Variants in ZFHX3 observed in about 807,000 individuals in gnomAD.
ZFHX3 encodes the protein zinc finger homeobox 3.
A neutral mutation model predicts 279.1 loss-of-function variants in ZFHX3; 42 were observed. That is an observed-to-expected ratio of 0.15 (90% CI 0.12 to 0.19). The LOEUF (loss-of-function observed/expected upper bound fraction) is 0.19. Ranked by LOEUF, ZFHX3 falls within the 10% of genes least tolerant of loss-of-function variation. ZFHX3 has a pLI of 1.00. For missense variants in ZFHX3, 4,981 were observed against 4,754.0 expected, an observed-to-expected ratio of 1.05 and a Z score of -1.40; for synonymous variants, 2,293 against 1,957.8, an observed-to-expected ratio of 1.17 and a Z score of -4.52.
At chr16:73,569,776 G>A (rs529601869) in intron 2 of ZFHX3, among the ~76,000 whole-genome samples, 17 of 152,186 alleles carry the variant, frequency 1.1e-4, no homozygotes, top group Non-Finnish European at 2.1e-4. Flanking sequence ...CCTGGGCAGG[G>A]CCGGAAGAGC....
intron 2 of ZFHX3, among the ~76,000 whole-genome samples, chr16:73,470,875 T>C: frequency 6.6e-6 from 1 of 152,192 alleles, no homozygotes; most frequent in South Asian, 2.1e-4. Context: ...ATATAAACTC[T>C]CTTACCCCTT....
intron 2 of ZFHX3, among the ~76,000 whole-genome samples, chr16:73,578,976 C>T (rs751377879): frequency 4.6e-5 from 7 of 152,112 alleles, no homozygotes; most frequent in Non-Finnish European, 8.8e-5. Context: ...AAGGGAGAGC[C>T]GGACATGCCT....
intron 4 of ZFHX3, among the ~76,000 whole-genome samples, chr16:72,878,076 G>C (rs2038361885): frequency 6.6e-6 from 1 of 152,204 alleles, no homozygotes; most frequent in South Asian, 2.1e-4. Flanking sequence ...TGTGCTACTT[G>C]GAAGACTGAG....
Position 72,798,689 on chromosome 16 carries a change from G to A in ZFHX3, c.3993C>T (p.Asn1331=), listed in dbSNP as rs2035997828. Residue 1331 remains asparagine (N), a synonymous_variant, in exon 9 of 10, where the codon AAC becomes AAT. Transcript: ENST00000268489. ...GCTCTGTGCTTGCGGATGGCAAGAT[G>A]TTCTTTCCCAGATCCTCTGAGGTTT... ...QPETSEDLGK[N]ILPSASTEQS... is the part of the protein sequence containing the mutation. 2 of 1,559,718 alleles carry A rather than the reference G, an allele frequency of 1.3e-6. No homozygotes were observed. The highest frequency in any genetic ancestry group is 1.4e-5 in the African/African-American group (1 of 71,968).
chr16:73,428,637 C>T (rs140345908), intron 3 of ZFHX3, among the ~76,000 whole-genome samples: 4 of 152,106 alleles, frequency 2.6e-5, no homozygotes, highest in Admixed American at 2.6e-4. Flanking sequence ...ATAACTCCAT[C>T]TGTTGCCTTC....
At chr16:73,392,793 G>A (rs529361249) in intron 3 of ZFHX3, among the ~76,000 whole-genome samples, 87 of 152,060 alleles carry the variant, frequency 5.7e-4, no homozygotes, top group African/African-American at 2.0e-3. Flanking sequence ...ATGAAACGTC[G>A]AATAAGGCAG....
intron 3 of ZFHX3, chr16:73,400,075 A>G (rs1296302173): frequency 9.6e-6 from 1 of 104,494 alleles, no homozygotes; most frequent in African/African-American, 3.8e-5. Flanking sequence ...TCAAATCTGT[A>G]AAAAAAAAAA....
At chr16:73,217,753 T>C (rs965755671) in intron 5 of ZFHX3, among the ~76,000 whole-genome samples, 1 of 152,162 alleles carries the variant, frequency 6.6e-6, no homozygotes, top group Non-Finnish European at 1.5e-5. Flanking sequence ...ACAATAGGGC[T>C]ATTTATTTTT....
chr16:73,132,950 C>A (rs12447298), intron 6 of ZFHX3, among the ~76,000 whole-genome samples: 28,156 of 152,252 alleles, frequency 0.18, 3,458 homozygotes, highest in Middle Eastern at 0.3. Context: ...CATGAAGATG[C>A]ATGGCACAGC....
intron 6 of ZFHX3, among the ~76,000 whole-genome samples, chr16:73,142,460 G>T (rs1016524773): frequency 6.6e-6 from 1 of 152,176 alleles, no homozygotes; most frequent in Non-Finnish European, 1.5e-5. Flanking sequence ...GAGTACAGAG[G>T]GGGGATTATA....
intron 8 of ZFHX3, among the ~76,000 whole-genome samples, chr16:73,070,607 T>G (rs1193280318): frequency 6.6e-6 from 1 of 152,158 alleles, no homozygotes; most frequent in Non-Finnish European, 1.5e-5. Context: ...GGGATTCGTC[T>G]CCCGCCCTCC....
chr16:73,783,535 AC>A (rs1161068518), intron 1 of ZFHX3, among the ~76,000 whole-genome samples: 2 of 151,760 alleles, frequency 1.3e-5, no homozygotes, highest in Non-Finnish European at 1.5e-5. Context: ...ACCTGGAAAA[AC>A]CCCAGAGGGA....
Position 73,302,820 on chromosome 16 carries a change from A to T in ZFHX3, c.-1194+15420T>A, listed in dbSNP as rs531474837. 1.1e-4 allele frequency among the ~76,000 whole-genome samples: 17 copies of T among 152,340 alleles called. 1 individual carries two copies. The highest frequency in any genetic ancestry group is 4.1e-4 in the South Asian group (2 of 4,826). ...TTGCTGTGGAGAAGTCAGTGGCCAC[A>T]TCCCTCAGGACAGAGCTTGCAGGGA... On this transcript the variant is annotated intron_variant, in intron 4 of 17. Coordinates refer to the ZFHX3 transcript ENST00000641206.
chr16:73,334,141 A>G (rs2015861171), intron 3 of ZFHX3, among the ~76,000 whole-genome samples: 1 of 152,196 alleles, frequency 6.6e-6, no homozygotes, highest in East Asian at 1.9e-4. Context: ...CAGCAGGGCC[A>G]GGAGAATGGA....
At chr16:72,838,131 A>AC (rs2037244154) in intron 4 of ZFHX3, among the ~76,000 whole-genome samples, 1 of 150,642 alleles carries the variant, frequency 6.6e-6, no homozygotes, top group Admixed American at 6.9e-5. Flanking sequence ...CCCCACCCTG[A>AC]CCCCGTTCCT....
chr16:72,825,123 C>T (rs1055128154), intron 5 of ZFHX3, among the ~76,000 whole-genome samples: 9 of 152,180 alleles, frequency 5.9e-5, no homozygotes, highest in Admixed American at 1.3e-4. Flanking sequence ...GTACCTGAGC[C>T]GAAAGAGGCC....
chr16:73,105,558 G>A (rs1349609928), intron 7 of ZFHX3, among the ~76,000 whole-genome samples: 2 of 151,468 alleles, frequency 1.3e-5, no homozygotes, highest in African/African-American at 2.4e-5. Context: ...TTCAAGACCC[G>A]CCTGGCCAAC....
chr16:72,796,730 C>G lies in ZFHX3; in HGVS notation c.5952G>C (p.Glu1984Asp). Residue 1984 changes from glutamate (E) to aspartate (D), a missense_variant, in exon 9 of 10, where the codon GAG becomes GAC. By Grantham distance (45) the Glu-to-Asp change is conservative. This residue lies in a region of ZFHX3 where 1,751 missense variants were observed against 1,770.0 expected (regional missense o/e 0.99). Coordinates refer to ENST00000268489, the MANE Select transcript of ZFHX3 (RefSeq NM_006885.4). ...TDQGENLEKLECDSCGKLFSN... is the reference protein window; with the variant it reads ...TDQGENLEKLDCDSCGKLFSN... ...AAAACAACTTGCCGCAGGAGTCACA[C>G]TCGAGCTTTTCCAGGTTCTCTCCCT... The G allele has an allele frequency of 6.2e-7, 1 of 1,613,886 alleles. No individual in the cohort carries two copies. The highest frequency in any genetic ancestry group is 8.5e-7 in the Non-Finnish European group (1 of 1,179,976).
intron 1 of ZFHX3, among the ~76,000 whole-genome samples, chr16:73,040,312 G>A (rs1742735121): frequency 1.3e-5 from 2 of 151,766 alleles, no homozygotes; most frequent in Admixed American, 1.3e-4. Flanking sequence ...GGTGCTGAAT[G>A]AGAACAGCCC....
Sources: allele counts gnomAD v4.1 joint callset (sites outside exome capture counted in the v4.1 genomes callset), GRCh38; gene constraint gnomAD v4.1.1; regional missense constraint gnomAD v4.1.1; transcripts MANE v1.5; gene names NCBI Gene and HGNC (gene_info 2026-07-23, HGNC 2026-07-21).